Variants in NHSL1 observed in about 807,000 individuals in gnomAD.
NHSL1 encodes the protein NHS like 1, also known as NHS-like protein 1.
In NHSL1, 48 loss-of-function variants were observed where a neutral mutation model predicts 95.0. The ratio of observed to expected loss-of-function variants is 0.51; its 90% CI spans 0.40 to 0.64. The LOEUF (loss-of-function observed/expected upper bound fraction) is 0.64. Ranked by LOEUF, NHSL1 falls within the 30% of genes least tolerant of loss-of-function variation. The pLI, the probability that NHSL1 is intolerant of heterozygous loss-of-function variation, is 0.00. For synonymous variants in NHSL1, 783 were observed against 833.9 expected (o/e 0.94, Z 1.05); for missense variants, 1,971 against 2,077.7 (o/e 0.95, Z 1.00).
chr6:138,609,622 C>A (rs866111656), intron 1 of NHSL1, among the ~76,000 whole-genome samples: 10 of 151,858 alleles, frequency 6.6e-5, no homozygotes, highest in African/African-American at 2.4e-4. Context: ...TGGTGGCAGG[C>A]ACCTGTAGTC....
At chr6:138,469,430 T>G (rs1365433216) in intron 3 of NHSL1, among the ~76,000 whole-genome samples, 3 of 152,222 alleles carry the variant, frequency 2.0e-5, no homozygotes, top group African/African-American at 7.2e-5. Context: ...TTTATATAGT[T>G]AAGAAGAACA....
intron 1 of NHSL1, among the ~76,000 whole-genome samples, chr6:138,624,675 G>A (rs1784712023): frequency 6.6e-6 from 1 of 152,132 alleles, no homozygotes. Flanking sequence ...CTCAGAAACA[G>A]CCTCCTTCTG....
At chr6:138,437,445 CAAAAAAA>C (rs1202687511) in intron 5 of NHSL1, among the ~76,000 whole-genome samples, 3 of 61,800 alleles carry the variant, frequency 4.9e-5, no homozygotes, top group African/African-American at 1.9e-4. Flanking sequence ...CACACACACA[CAAAAAAA>C]AAAAAAAAAA....
chr6:138,468,517 C>T (rs987775806), intron 3 of NHSL1, among the ~76,000 whole-genome samples: 19 of 152,134 alleles, frequency 1.2e-4, no homozygotes, highest in African/African-American at 2.7e-4. Context: ...CTCATAGGAG[C>T]GCAAACCCTA....
chr6:138,586,453 A>G (rs1300139743), intron 1 of NHSL1, among the ~76,000 whole-genome samples: 1 of 152,202 alleles, frequency 6.6e-6, no homozygotes, highest in Non-Finnish European at 1.5e-5. Context: ...AGGGAATTAT[A>G]GCAGGGTATA....
intron 1 of NHSL1, among the ~76,000 whole-genome samples, chr6:138,561,861 C>T (rs1783424036): frequency 6.6e-6 from 1 of 152,210 alleles, no homozygotes; most frequent in Non-Finnish European, 1.5e-5. Context: ...CACCATTTCT[C>T]TTACAGCCTA....
chr6:138,494,656 T>C (rs1291620534), intron 2 of NHSL1, among the ~76,000 whole-genome samples: 4 of 152,182 alleles, frequency 2.6e-5, no homozygotes, highest in Non-Finnish European at 4.4e-5. Flanking sequence ...CTTGAATCAA[T>C]GACAGAATTT....
chr6:138,598,017 T>A (rs781741194), intron 1 of NHSL1, among the ~76,000 whole-genome samples: 2 of 151,798 alleles, frequency 1.3e-5, no homozygotes, highest in Non-Finnish European at 2.9e-5. Flanking sequence ...AAATCAGCTT[T>A]TGGCAGGGCA....
intron 1 of NHSL1, among the ~76,000 whole-genome samples, chr6:138,679,769 C>T (rs1386077977): frequency 6.6e-6 from 1 of 152,140 alleles, no homozygotes; most frequent in Non-Finnish European, 1.5e-5. Context: ...GTTTTTAAAA[C>T]AGCCTCTAGA....
intron 5 of NHSL1, among the ~76,000 whole-genome samples, chr6:138,439,187 C>T (rs889656655): frequency 2.6e-5 from 4 of 152,138 alleles, no homozygotes; most frequent in African/African-American, 9.6e-5. Flanking sequence ...CATGGAAGTA[C>T]CTCTCTGGTT....
chr6:138,483,083 G>A (rs1198385823), intron 2 of NHSL1, among the ~76,000 whole-genome samples: 1 of 152,218 alleles, frequency 6.6e-6, no homozygotes, highest in African/African-American at 2.4e-5. Context: ...CTGTTTCAGA[G>A]TAAGGCAAAT....
At chr6:138,692,780 G>A (rs1192416324), upstream of NHSL1, among the ~76,000 whole-genome samples, 1 of 150,822 alleles carries the variant, frequency 6.6e-6, no homozygotes, top group Non-Finnish European at 1.5e-5. The surrounding 1 kb of genome is among the most constrained non-coding windows in gnomAD (Gnocchi z 4.0). Flanking sequence ...GGGCGGGCCG[G>A]CGGCGCGGGA....
intron 1 of NHSL1, among the ~76,000 whole-genome samples, chr6:138,542,866 C>A (rs1189204010): frequency 6.6e-6 from 1 of 152,156 alleles, no homozygotes; most frequent in African/African-American, 2.4e-5. Context: ...TAGCCTCAAG[C>A]AATCCTCCTG....
At chr6:138,450,454 G>A (rs1777156211) in intron 3 of NHSL1, among the ~76,000 whole-genome samples, 2 of 152,230 alleles carry the variant, frequency 1.3e-5, no homozygotes, top group Non-Finnish European at 2.9e-5. Context: ...TCTATGCCCT[G>A]GAGCAAGGGC....
chr6:138,605,608 C>T (rs1005238581), intron 1 of NHSL1, among the ~76,000 whole-genome samples: 3 of 152,176 alleles, frequency 2.0e-5, no homozygotes, highest in African/African-American at 4.8e-5. Context: ...CTACCCACCA[C>T]GACTTTGATT....
chr6:138,602,288 T>C (rs571140854), intron 1 of NHSL1, among the ~76,000 whole-genome samples: 2 of 152,338 alleles, frequency 1.3e-5, no homozygotes, highest in South Asian at 4.1e-4. Context: ...GTATGTTTCA[T>C]TAGATTTATA....
chr6:138,668,301 A>C lies in NHSL1; in HGVS notation c.96+24175T>G, dbSNP rs189841185. 3.6e-3 allele frequency among the ~76,000 whole-genome samples: 541 copies of C among 152,236 alleles called. 3 individuals are homozygous for C. Among genetic ancestry groups the C allele is most frequent in the Middle Eastern group, 0.01 (3 of 294 alleles). ...TCTACTAAAAATATAAAATTAGCCAAGCATGGTGGCTCATGCCTGTAGTCG... is the reference window on the plus strand; with the variant it reads ...TCTACTAAAAATATAAAATTAGCCACGCATGGTGGCTCATGCCTGTAGTCG... On this transcript the variant is annotated intron_variant, in intron 1 of 3. Coordinates refer to the NHSL1 transcript ENST00000491526.
chr6:138,543,153 G>T (rs1022196014), intron 1 of NHSL1, among the ~76,000 whole-genome samples: 1 of 152,104 alleles, frequency 6.6e-6, no homozygotes, highest in Non-Finnish European at 1.5e-5. Context: ...TATTTGATTA[G>T]CCATAATTCA....
At chr6:138,530,694 T>C (rs1782096891) in intron 1 of NHSL1, among the ~76,000 whole-genome samples, 1 of 152,212 alleles carries the variant, frequency 6.6e-6, no homozygotes, top group Non-Finnish European at 1.5e-5. Context: ...AACCAAATAT[T>C]GTATGTTCTC....
Sources: gnomAD v4.1 joint callset for allele counts (sites outside exome capture counted in the v4.1 genomes callset) on GRCh38, gnomAD v4.1.1 for gene constraint, Gnocchi (gnomAD v3.1) non-coding constraint, MANE v1.5 for transcripts, NCBI Gene and HGNC (gene_info 2026-07-23, HGNC 2026-07-21) for gene names.